Variants in DRC11 observed in about 807,000 individuals in gnomAD.
DRC11 encodes dynein regulatory complex subunit 11.
At chr2:236,394,143 G>A in the DRC11 span, among the ~76,000 whole-genome samples, 5 of 152,094 alleles carry the variant, frequency 3.3e-5, no homozygotes, top group Admixed American at 6.6e-5. The surrounding 1 kb of genome is among the most constrained non-coding windows in gnomAD (Gnocchi z 7.0). Flanking sequence ...TGTACCCCTC[G>A]AGGGGAGAGG....
the DRC11 span, among the ~76,000 whole-genome samples, chr2:236,479,656 T>C: frequency 6.6e-6 from 1 of 152,176 alleles, no homozygotes; most frequent in South Asian, 2.1e-4. This position sits in a 1 kb window ranked among gnomAD's most constrained non-coding sequence, Gnocchi z 4.1. Context: ...TTTTGACTTT[T>C]TGTTGTCTCA....
the DRC11 span, among the ~76,000 whole-genome samples, chr2:236,415,710 T>C: frequency 6.6e-6 from 1 of 152,212 alleles, no homozygotes; most frequent in Non-Finnish European, 1.5e-5. The surrounding 1 kb of genome is among the most constrained non-coding windows in gnomAD (Gnocchi z 5.7). Flanking sequence ...TTCAAAACTG[T>C]TCATCGTTAA....
At chr2:236,408,277 A>C in the DRC11 span, 1 of 857,196 alleles carries the variant, frequency 1.2e-6, no homozygotes, top group East Asian at 2.4e-5. This position sits in a 1 kb window ranked among gnomAD's most constrained non-coding sequence, Gnocchi z 5.5. Context: ...AGCACGTGCC[A>C]CAGAGAAGGC....
chr2:236,338,504 A>T, the DRC11 span: 1 of 888,382 alleles, frequency 1.1e-6, no homozygotes, highest in East Asian at 2.5e-5. Context: ...TCTGACAAAC[A>T]CAATTTCTTA....
the DRC11 span, among the ~76,000 whole-genome samples, chr2:236,411,357 C>T: frequency 6.6e-6 from 1 of 150,738 alleles, no homozygotes; most frequent in Non-Finnish European, 1.5e-5. Context: ...TACCATCTCA[C>T]ACCAGTTAGA....
At chr2:236,491,240 T>TATACAC in the DRC11 span, among the ~76,000 whole-genome samples, 8 of 52,528 alleles carry the variant, frequency 1.5e-4, no homozygotes, top group African/African-American at 8.0e-4. Flanking sequence ...TATATATATA[T>TATACAC]ACACAGTATA....
At chr2:236,481,924 T>A in the DRC11 span, among the ~76,000 whole-genome samples, 1 of 149,162 alleles carries the variant, frequency 6.7e-6, no homozygotes. Context: ...TTCTACATAT[T>A]ATATGTATAA....
chr2:236,408,095 C>T, the DRC11 span: 31 of 625,676 alleles, frequency 5.0e-5, no homozygotes, highest in East Asian at 1.1e-3. This position sits in a 1 kb window ranked among gnomAD's most constrained non-coding sequence, Gnocchi z 5.5. Flanking sequence ...CCACTGGTCA[C>T]TTCACCATAT....
the DRC11 span, among the ~76,000 whole-genome samples, chr2:236,357,642 A>ATAT: frequency 1.6e-5 from 2 of 122,864 alleles, no homozygotes; most frequent in African/African-American, 6.6e-5. Flanking sequence ...TATAATATGT[A>ATAT]AATATATAAA....
the DRC11 span, among the ~76,000 whole-genome samples, chr2:236,371,082 G>T: frequency 6.6e-6 from 1 of 152,162 alleles, no homozygotes; most frequent in Non-Finnish European, 1.5e-5. The surrounding 1 kb of genome is among the most constrained non-coding windows in gnomAD (Gnocchi z 5.1). Context: ...TCCTGGCCTG[G>T]TGGAGACATC....
chr2:236,431,435 G>A, the DRC11 span, among the ~76,000 whole-genome samples: 1 of 152,160 alleles, frequency 6.6e-6, no homozygotes, highest in Admixed American at 6.5e-5. This position sits in a 1 kb window ranked among gnomAD's most constrained non-coding sequence, Gnocchi z 4.2. Context: ...ATCAAATCTT[G>A]TGAGAACTCA....
the DRC11 span, among the ~76,000 whole-genome samples, chr2:236,353,014 C>A: frequency 7.9e-5 from 12 of 152,178 alleles, no homozygotes; most frequent in Admixed American, 4.6e-4. This position sits in a 1 kb window ranked among gnomAD's most constrained non-coding sequence, Gnocchi z 5.0. Flanking sequence ...TAAATGAGGG[C>A]TCTGGCTCTC....
At chr2:236,461,262 G>A in the DRC11 span, among the ~76,000 whole-genome samples, 6 of 152,080 alleles carry the variant, frequency 3.9e-5, no homozygotes, top group African/African-American at 2.4e-5. This position sits in a 1 kb window ranked among gnomAD's most constrained non-coding sequence, Gnocchi z 4.0. Context: ...TCTGACACAC[G>A]AGAAAATGGG....
the DRC11 span, among the ~76,000 whole-genome samples, chr2:236,398,136 C>T: frequency 3.3e-5 from 5 of 152,188 alleles, no homozygotes; most frequent in African/African-American, 1.2e-4. The surrounding 1 kb of genome is among the most constrained non-coding windows in gnomAD (Gnocchi z 6.2). Context: ...GGAAAAACTC[C>T]AAGCCTTGCA....
At chr2:236,408,126 G>A in the DRC11 span, 6 of 666,254 alleles carry the variant, frequency 9.0e-6, no homozygotes, top group South Asian at 4.1e-5. This position sits in a 1 kb window ranked among gnomAD's most constrained non-coding sequence, Gnocchi z 5.5. Flanking sequence ...CACCCAGAGA[G>A]TTGATATTCT....
At chr2:236,464,927 T>C in the DRC11 span, among the ~76,000 whole-genome samples, 1 of 152,214 alleles carries the variant, frequency 6.6e-6, no homozygotes, top group African/African-American at 2.4e-5. Context: ...TAAAGCTCCC[T>C]GAGGCAAACA....
chr2:236,432,723 CA>C, the DRC11 span, among the ~76,000 whole-genome samples: 1 of 152,082 alleles, frequency 6.6e-6, no homozygotes, highest in Non-Finnish European at 1.5e-5. Flanking sequence ...TTCCCTTACT[CA>C]GGGGTCATTG....
At chr2:236,414,196 T>C in the DRC11 span, among the ~76,000 whole-genome samples, 2 of 152,192 alleles carry the variant, frequency 1.3e-5, no homozygotes, top group Non-Finnish European at 2.9e-5. Context: ...TCCTCTTCAC[T>C]GGGTCTTTCA....
chr2:236,360,745 C>T, the DRC11 span, among the ~76,000 whole-genome samples: 2 of 152,152 alleles, frequency 1.3e-5, no homozygotes, highest in African/African-American at 2.4e-5. This position sits in a 1 kb window ranked among gnomAD's most constrained non-coding sequence, Gnocchi z 5.8. Flanking sequence ...CAGCTACTGC[C>T]AAGTCAGAGG....
Sources: gnomAD v4.1 joint callset for allele counts (sites outside exome capture counted in the v4.1 genomes callset) on GRCh38, gnomAD v4.1.1 for gene constraint, Gnocchi (gnomAD v3.1) non-coding constraint, MANE v1.5 for transcripts, NCBI Gene and HGNC (gene_info 2026-07-23, HGNC 2026-07-21) for gene names.